Variants in RBM26 observed in about 807,000 individuals in gnomAD.
RBM26 encodes RNA binding motif protein 26, also known as RNA-binding protein 26.
In RBM26, 30 loss-of-function variants were observed where a neutral mutation model predicts 123.6. That is an observed-to-expected ratio of 0.24 (90% CI 0.18 to 0.33). The LOEUF is 0.33. Ranked by LOEUF, RBM26 falls within the 10% of genes least tolerant of loss-of-function variation. The pLI, the probability that RBM26 is intolerant of heterozygous loss-of-function variation, is 1.00. For missense variants in RBM26, 947 were observed against 1,203.6 expected (o/e 0.79, Z 3.15); for synonymous variants, 400 against 404.4 (o/e 0.99, Z 0.13).
chr13:79,334,788 T>C (rs1566334519), intron 19 of RBM26, among the ~76,000 whole-genome samples: 1 of 152,088 alleles, frequency 6.6e-6, no homozygotes, highest in Non-Finnish European at 1.5e-5. Flanking sequence ...TTAAGCAACA[T>C]ACTGAATCCT....
At chr13:79,378,574 G>A (rs2076834190) in intron 2 of RBM26, among the ~76,000 whole-genome samples, 1 of 151,948 alleles carries the variant, frequency 6.6e-6, no homozygotes, top group Admixed American at 6.6e-5. Context: ...CGAGTAGCCG[G>A]GATTACAGGC....
At chr13:79,338,602 T>G (rs1159906163) in intron 18 of RBM26, among the ~76,000 whole-genome samples, 1 of 152,166 alleles carries the variant, frequency 6.6e-6, no homozygotes. Context: ...TTAAGGATCA[T>G]GTTAAGGATT....
intron 1 of RBM26, among the ~76,000 whole-genome samples, chr13:79,384,306 G>A (rs537546199): frequency 2.0e-5 from 3 of 150,310 alleles, no homozygotes; most frequent in Non-Finnish European, 4.4e-5. Context: ...TGTTACCCAG[G>A]CTGGAGGGCG....
chr13:79,356,396 A>C (rs1422894057), intron 11 of RBM26, among the ~76,000 whole-genome samples: 1 of 139,426 alleles, frequency 7.2e-6, no homozygotes, highest in East Asian at 2.0e-4. Flanking sequence ...AAACAAAAAA[A>C]AACAAAAAAG....
intron 9 of RBM26, among the ~76,000 whole-genome samples, chr13:79,360,138 CATTTT>C (rs2139698480): frequency 6.6e-6 from 1 of 152,126 alleles, no homozygotes; most frequent in South Asian, 2.1e-4. Context: ...ATAATTATTT[CATTTT>C]ATTATTAGAC....
intron 1 of RBM26, among the ~76,000 whole-genome samples, chr13:79,387,175 G>A (rs1370797433): frequency 3.3e-5 from 5 of 151,844 alleles, no homozygotes; most frequent in Admixed American, 6.6e-5. Flanking sequence ...TCATCTAACA[G>A]CTGACTTGCC....
intron 9 of RBM26, among the ~76,000 whole-genome samples, chr13:79,360,154 A>T (rs1043922874): frequency 6.6e-6 from 1 of 152,046 alleles, no homozygotes; most frequent in Non-Finnish European, 1.5e-5. Context: ...ATTATTAGAC[A>T]TTGTTGTTTA....
chr13:79,319,858 G>A lies in RBM26; in HGVS notation c.*763C>T. 4.1e-6 allele frequency: 4 copies of A among 979,152 alleles called. No homozygotes were observed. Among genetic ancestry groups the A allele is most frequent in the Non-Finnish European group, 3.6e-6 (3 of 825,704 alleles). 60.7% of individuals were successfully genotyped at this position (979,152 alleles called of 1,614,324 possible). A position where few individuals can be genotyped will look rare whatever the true frequency, so the allele number is the denominator to read the frequency against. ...CTCCTTTTGTGATAATTGGGGGGAA[G>A]GGTAGATCACCATCTGGAATGGTCT... On this transcript the variant is annotated 3_prime_UTR_variant, in exon 22 of 22. Coordinates refer to ENST00000438737, the MANE Select transcript of RBM26 (RefSeq NM_001366735.2).
In RBM26 at chr13:79,366,113, T is replaced by C; in HGVS notation, c.1218A>G (p.Val406=). Residue 406 remains valine, a synonymous_variant, in exon 8 of 22, where the codon GTA becomes GTG. Coordinates refer to ENST00000438737, the MANE Select transcript of RBM26 (RefSeq NM_001366735.2). ...GCTGGTGATGAATGCCAGTTGTTACTACAGTAGGAACAGAACTGGTTGCAG... is the reference window on the plus strand; with the variant it reads ...GCTGGTGATGAATGCCAGTTGTTACCACAGTAGGAACAGAACTGGTTGCAG... The part of the protein sequence containing the change: ...PNSATSSVPT[V]VTTGIHHQPP... 6.2e-7 allele frequency: 1 copy of C among 1,614,076 alleles called. No individual in the cohort carries two copies. Among genetic ancestry groups the C allele is most frequent in the South Asian group, 1.1e-5 (1 of 91,084 alleles).
chr13:79,389,434 T>G (rs1026260885), intron 1 of RBM26: 2 of 152,136 alleles, frequency 1.3e-5, no homozygotes, highest in Non-Finnish European at 2.9e-5. Context: ...ACTAGTTGCG[T>G]TGTTAAAGAA....
Position 79,377,455 on chromosome 13 carries a change from G to A in RBM26, c.251C>T (p.Pro84Leu). The change falls in exon 3 of 22, where the codon CCT becomes CTT. Residue 84 changes from proline to leucine, a missense_variant. Physicochemically the swap from Pro to Leu is moderately conservative, Grantham distance 98. Around this residue, in one of 5 missense-constraint regions of RBM26, gnomAD observed 275 missense variants for 361.0 expected, o/e 0.76. Transcript: ENST00000438737. ...DAVNTKSYLP[P>L]PEQPSSGSLK... is the part of the protein sequence containing the mutation. ...GCTTCCTGATGATGGCTGCTCTGGA[G>A]GAGGTAGGTAACTCTTTGTATTCAC... 6.2e-7 allele frequency: 1 copy of A among 1,612,618 alleles called. No individual in the cohort carries two copies. The highest frequency in any genetic ancestry group is 8.5e-7 in the Non-Finnish European group (1 of 1,178,664).
At chr13:79,372,855 A>AT (rs2076085571) in intron 3 of RBM26, among the ~76,000 whole-genome samples, 1 of 69,056 alleles carries the variant, frequency 1.4e-5, no homozygotes, top group Admixed American at 2.0e-4. Context: ...TATATTATAT[A>AT]AATATAAATA....
chr13:79,351,077 A>G (rs1413761417), intron 14 of RBM26, among the ~76,000 whole-genome samples: 2 of 152,148 alleles, frequency 1.3e-5, no homozygotes, highest in Non-Finnish European at 2.9e-5. Flanking sequence ...ATGGGTATAT[A>G]TATTAGTCTA....
chr13:79,367,388 T>C (rs7333651), intron 6 of RBM26, among the ~76,000 whole-genome samples: 134,543 of 136,788 alleles, frequency 0.98, 66,189 homozygotes, highest in East Asian at 1. Context: ...GCCTGGGGTA[T>C]AGGGGGAGAC....
chr13:79,338,351 A>T (rs1346302236), intron 18 of RBM26, among the ~76,000 whole-genome samples: 2 of 151,548 alleles, frequency 1.3e-5, no homozygotes, highest in Non-Finnish European at 2.9e-5. Context: ...CCCTCAAGAT[A>T]TTTTTTTTTC....
At position 79,370,997 on chromosome 13, in the gene RBM26, C is replaced by T. The variant is rs199797508; in HGVS notation, c.582G>A (p.Glu194=). 34 of 1,595,122 alleles carry T rather than the reference C, an allele frequency of 2.1e-5. No homozygotes were observed. In the East Asian group the frequency reaches 7.6e-4, roughly 36 times the overall value. ...TAGTCCTGCTTCTATCTCTGTCCCTCTCACGAAGCCTCTCTTTACTCCAAC... is the reference window on the plus strand; with the variant it reads ...TAGTCCTGCTTCTATCTCTGTCCCTTTCACGAAGCCTCTCTTTACTCCAAC... ...SRSWSKERLR[E]RDRDRSRTRS... is the part of the protein sequence containing the mutation. The change falls in exon 5 of 22, where the codon GAG becomes GAA. Residue 194 remains glutamate (E), a synonymous_variant. Coordinates refer to ENST00000438737, the MANE Select transcript of RBM26 (RefSeq NM_001366735.2).
At chr13:79,335,536 A>ATGTAAATT (rs1449577345) in intron 19 of RBM26, among the ~76,000 whole-genome samples, 1 of 152,140 alleles carries the variant, frequency 6.6e-6, no homozygotes, top group Non-Finnish European at 1.5e-5. Flanking sequence ...ATATTAAATA[A>ATGTAAATT]TGTAAATTTT....
At chr13:79,396,684 G>GTACT (rs148866587) in intron 1 of RBM26, among the ~76,000 whole-genome samples, 76,315 of 151,482 alleles carry the variant, frequency 0.5, 19,572 homozygotes, top group Middle Eastern at 0.6. Flanking sequence ...AAAAAAAATA[G>GTACT]AACCCTAAAT....
chr13:79,398,749 T>TG (rs1461552116), intron 1 of RBM26, among the ~76,000 whole-genome samples: 1 of 152,104 alleles, frequency 6.6e-6, no homozygotes, highest in Admixed American at 6.5e-5. Flanking sequence ...AAACTGAAGA[T>TG]GCTAGGAGTA....
Sources: allele counts gnomAD v4.1 joint callset (sites outside exome capture counted in the v4.1 genomes callset), GRCh38; gene constraint gnomAD v4.1.1; regional missense constraint gnomAD v4.1.1; transcripts MANE v1.5; gene names NCBI Gene and HGNC (gene_info 2026-07-23, HGNC 2026-07-21).